Variants in FHL2 observed in about 807,000 individuals in gnomAD.
The protein encoded by FHL2 is four and a half LIM domains 2.
A neutral mutation model predicts 32.7 loss-of-function variants in FHL2; 20 were observed. The ratio of observed to expected loss-of-function variants is 0.61; its 90% CI spans 0.43 to 0.89. FHL2 has a LOEUF of 0.89. Ranked by LOEUF, FHL2 falls within the 40% of genes least tolerant of loss-of-function variation. The pLI, the probability that FHL2 is intolerant of heterozygous loss-of-function variation, is 0.00. For missense variants in FHL2, 311 were observed against 358.6 expected (o/e 0.87, Z 1.07); for synonymous variants, 123 against 128.1 (o/e 0.96, Z 0.27).
intron 4 of FHL2, among the ~76,000 whole-genome samples, chr2:105,370,801 C>A (rs1389547959): frequency 6.6e-6 from 1 of 152,134 alleles, no homozygotes; most frequent in African/African-American, 2.4e-5. Context: ...GGTGCCCAGT[C>A]CGTTTCTTCT....
At chr2:105,370,217 A>ACCCC in intron 4 of FHL2, among the ~76,000 whole-genome samples, 1 of 151,040 alleles carries the variant, frequency 6.6e-6, no homozygotes, top group Non-Finnish European at 1.5e-5. Flanking sequence ...TACCCCCCCA[A>ACCCC]AAAAAAAATT....
In FHL2 at chr2:105,396,181, G is replaced by T. The variant is rs76055797; in HGVS notation, c.-25+466C>A. Among the ~76,000 whole-genome samples, 1,135 of 152,302 alleles carry T rather than the reference G, an allele frequency of 7.5e-3. 7 individuals carry two copies. The highest frequency in any genetic ancestry group is 0.025 in the African/African-American group (1,023 of 41,572). On this transcript the variant is annotated intron_variant, in intron 2 of 6. Transcript: ENST00000530340. ...TGTACATAGAGAGATTTATCGCAAT[G>T]ATTTAGCTCACACAATTACGAAGGT... is the stretch of plus-strand genomic sequence containing the variant.
chr2:105,395,672 C>G (rs1001116715), intron 2 of FHL2, among the ~76,000 whole-genome samples: 7 of 152,190 alleles, frequency 4.6e-5, no homozygotes, highest in African/African-American at 1.7e-4. Flanking sequence ...TGTATTAACC[C>G]AAGCAGACAG....
chr2:105,391,012 T>A (rs2104605386), intron 2 of FHL2, among the ~76,000 whole-genome samples: 1 of 151,810 alleles, frequency 6.6e-6, no homozygotes, highest in East Asian at 1.9e-4. Context: ...TTTTTTTTTT[T>A]AGTAGAGACG....
At chr2:105,400,686 A>ATTTTTTTTTTTTTTTTTTTT (rs57296524), upstream of FHL2, among the ~76,000 whole-genome samples, 1 of 132,808 alleles carries the variant, frequency 7.5e-6, no homozygotes, top group Non-Finnish European at 1.6e-5. Context: ...TTATATTTTA[A>ATTTTTTTTTTTTTTTTTTTT]TTTTTTTTTT....
At chr2:105,365,927 A>C (rs1018655231) in intron 5 of FHL2, among the ~76,000 whole-genome samples, 3 of 152,096 alleles carry the variant, frequency 2.0e-5, no homozygotes, top group African/African-American at 7.2e-5. Flanking sequence ...AAATGGGGCC[A>C]GGCATGGTGG....
chr2:105,363,253 G>A lies in FHL2; in HGVS notation c.688+32C>T, dbSNP rs371939143. ...CTAGGCCTTGTTCAAGCTTCCAATC[G>A]CCCCTGGAAATGGGAACCCCGGGAC... is the stretch of plus-strand genomic sequence containing the variant. On this transcript the variant is annotated intron_variant, in intron 6 of 6. Transcript: ENST00000530340. 5.7e-5 allele frequency: 92 copies of A among 1,608,240 alleles called. No individual in the cohort carries two copies. The African/African-American group carries it at 8.1e-4, about 14-fold the overall frequency.
chr2:105,396,971 G>C (rs938313318), intron 1 of FHL2: 8 of 409,294 alleles, frequency 2.0e-5, no homozygotes, highest in Admixed American at 4.1e-5. Context: ...ACTGGCCCTC[G>C]GCACAGGACA....
At chr2:105,399,308 C>G, upstream of FHL2, 1 of 1,535,776 alleles carries the variant, frequency 6.5e-7, no homozygotes, top group Non-Finnish European at 8.7e-7. Flanking sequence ...GGCGTGGGCT[C>G]TCGGGCGCGA....
At chr2:105,383,102 T>C (rs182045241) in intron 3 of FHL2, among the ~76,000 whole-genome samples, 1 of 152,192 alleles carries the variant, frequency 6.6e-6, no homozygotes, top group Non-Finnish European at 1.5e-5. Flanking sequence ...GCCAGGCTGG[T>C]CTCCAGCTCC....
chr2:105,398,868 C>T lies in FHL2; in HGVS notation c.-102G>A, dbSNP rs749887394. The stretch of plus-strand genomic sequence containing the variant: ...AGTCTCCCCAACTCCGGCTCTGCTC[C>T]CCTCTCCTTGGGTCTCGCACCGGAT... On this transcript the variant is annotated 5_prime_UTR_variant, in exon 1 of 7. Coordinates refer to ENST00000530340, the MANE Select transcript of FHL2 (RefSeq NM_001318895.3). 6.1e-6 allele frequency: 9 copies of T among 1,486,548 alleles called. No homozygotes were observed. The highest frequency in any genetic ancestry group is 2.5e-5 in the Admixed American group (1 of 40,480). The allele number at this position is 1,486,548 out of a possible 1,614,324, so 92.1% of individuals were successfully genotyped here. A position where few individuals can be genotyped will look rare whatever the true frequency, so the allele number is the denominator to read the frequency against.
At chr2:105,370,663 A>T (rs116487126) in intron 4 of FHL2, among the ~76,000 whole-genome samples, 12 of 152,322 alleles carry the variant, frequency 7.9e-5, no homozygotes, top group Non-Finnish European at 1.3e-4. Context: ...CTGTAAACCC[A>T]TATTCATCTT....
chr2:105,379,345 C>T (rs368088557), intron 3 of FHL2, among the ~76,000 whole-genome samples: 3 of 152,176 alleles, frequency 2.0e-5, no homozygotes, highest in Admixed American at 2.0e-4. Context: ...GTGTCACTTG[C>T]TGAACCTACA....
At chr2:105,408,358 C>A (rs1296709504) in intron 1 of FHL2, among the ~76,000 whole-genome samples, 1 of 152,202 alleles carries the variant, frequency 6.6e-6, no homozygotes, top group Non-Finnish European at 1.5e-5. Flanking sequence ...ACCATCCAAA[C>A]CCACAGAGAT....
intron 4 of FHL2, among the ~76,000 whole-genome samples, chr2:105,371,184 G>A (rs1681035548): frequency 6.6e-6 from 1 of 152,110 alleles, no homozygotes; most frequent in African/African-American, 2.4e-5. Context: ...CTGGGCTCTG[G>A]TACCCAGTTG....
At chr2:105,417,208 C>G (rs1208264102) in intron 1 of FHL2, among the ~76,000 whole-genome samples, 1 of 151,848 alleles carries the variant, frequency 6.6e-6, no homozygotes, top group Non-Finnish European at 1.5e-5. Context: ...ACGGTGAAAC[C>G]CCATCTCTAC....
intron 1 of FHL2, among the ~76,000 whole-genome samples, chr2:105,418,994 G>C (rs1160952164): frequency 6.6e-6 from 1 of 152,138 alleles, no homozygotes; most frequent in Non-Finnish European, 1.5e-5. Flanking sequence ...TGCAAGTCTT[G>C]GAACTTATCC....
chr2:105,424,340 C>A (rs1270189301), intron 1 of FHL2, among the ~76,000 whole-genome samples: 2 of 152,152 alleles, frequency 1.3e-5, no homozygotes, highest in Non-Finnish European at 2.9e-5. Context: ...CCATCTCATG[C>A]CAGTTAGAAT....
chr2:105,410,341 A>G (rs1202094264), intron 1 of FHL2, among the ~76,000 whole-genome samples: 1 of 152,144 alleles, frequency 6.6e-6, no homozygotes, highest in Non-Finnish European at 1.5e-5. Flanking sequence ...AGATAACCCC[A>G]CATAGCTGCA....
Sources: gnomAD v4.1 joint callset for allele counts (sites outside exome capture counted in the v4.1 genomes callset) on GRCh38, gnomAD v4.1.1 for gene constraint, MANE v1.5 for transcripts, NCBI Gene and HGNC (gene_info 2026-07-23, HGNC 2026-07-21) for gene names.